The following TMEM184C variants were observed in gnomAD, a reference collection of about 807,000 sequenced individuals.
The protein encoded by TMEM184C is transmembrane protein 34.
A neutral mutation model predicts 54.5 loss-of-function variants in TMEM184C; 25 were observed. The ratio of observed to expected loss-of-function variants is 0.46; its 90% CI spans 0.33 to 0.64. The LOEUF (loss-of-function observed/expected upper bound fraction) is 0.64. TMEM184C is among the 30% of genes least tolerant of loss of function. TMEM184C has a pLI of 0.02. For synonymous variants in TMEM184C, 148 were observed against 181.5 expected (o/e 0.82, Z 1.49); for missense variants, 335 against 520.3 (o/e 0.64, Z 3.46).
At position 147,623,894 on chromosome 4, in the gene TMEM184C, A is replaced by G. The variant is rs182140746; in HGVS notation, c.184A>G (p.Ile62Val). The stretch of plus-strand genomic sequence containing the variant: ...AATCTTTTTGCTGTTGACTATTCCT[A>G]TATCACTGTGGGTGATATTGCAACA... ...AGIFLLLTIP[I>V]SLWVILQHLV... The change falls in exon 2 of 10, where the codon ATA becomes GTA. Residue 62 changes from isoleucine (I) to valine (V), a missense_variant. Transcript: ENST00000296582. The G allele has an allele frequency of 2.8e-5, 45 of 1,614,032 alleles. No homozygotes were observed. Among genetic ancestry groups the G allele is most frequent in the East Asian group, 2.7e-4 (12 of 44,854 alleles).
chr4:147,631,700 GAAGAA>G (rs1455874360), intron 7 of TMEM184C, among the ~76,000 whole-genome samples, 195 bp downstream of exon 7: 1 of 152,070 alleles, frequency 6.6e-6, no homozygotes, highest in Non-Finnish European at 1.5e-5. Context: ...ACATTTATAT[GAAGAA>G]AATAGTTTGA....
chr4:147,623,687 A>G, intron 1 of TMEM184C, 147 bp from the exon 2 acceptor site: 1 of 623,652 alleles, frequency 1.6e-6, no homozygotes, highest in Non-Finnish European at 2.7e-6. Flanking sequence ...TTGTAGGCCC[A>G]GGCTGGTTTC....
At chr4:147,632,833 C>A in intron 7 of TMEM184C, 70 bp from the exon 8 acceptor site, 1 of 1,408,004 alleles carries the variant, frequency 7.1e-7, no homozygotes. Flanking sequence ...TTTTTAATGG[C>A]ACATTTTTAA....
rs1733035760 is a variant in TMEM184C, at chr4:147,636,138, A to G, written c.*1704A>G. 1 of 152,186 alleles carries G rather than the reference A, an allele frequency of 6.6e-6. No homozygotes were observed. The highest frequency in any genetic ancestry group is 1.5e-5 in the Non-Finnish European group (1 of 68,008). The allele number at this position is 152,186 out of a possible 1,614,324, so 9.4% of individuals were successfully genotyped here. Reference sequence around the variant, plus strand: ...CAAACAGAAAAAAATCCTAAAATTCATATGTAACGATAAAAGACCCTGAAT... The same window carrying G: ...CAAACAGAAAAAAATCCTAAAATTCGTATGTAACGATAAAAGACCCTGAAT... On this transcript the variant is annotated 3_prime_UTR_variant, in exon 10 of 10. Transcript: ENST00000296582.
chr4:147,627,012 T>C (rs1049644879), intron 4 of TMEM184C, among the ~76,000 whole-genome samples: 1 of 152,182 alleles, frequency 6.6e-6, no homozygotes, highest in African/African-American at 2.4e-5. Flanking sequence ...ACAGAATTCT[T>C]GCTAAAGGCA....
At position 147,624,883 on chromosome 4, in the gene TMEM184C, A is replaced by G. The variant is rs369788135; in HGVS notation, c.371A>G (p.Asn124Ser). 5.0e-6 allele frequency: 8 copies of G among 1,613,944 alleles called. No individual in the cohort carries two copies. Among genetic ancestry groups the G allele is most frequent in the South Asian group, 1.1e-5 (1 of 91,082 alleles). ...RECYEAYVIY[N>S]FMGFLTNYLT... ...TGCTATGAAGCTTATGTAATTTACA[A>G]CTTTATGGGATTCCTTACCAATTAT... Residue 124 changes from asparagine (N) to serine (S), a missense_variant, in exon 4 of 10, where the codon AAC becomes AGC. By Grantham distance (46) the Asn-to-Ser change is conservative (BLOSUM62 1). Coordinates refer to ENST00000296582, the MANE Select transcript of TMEM184C (RefSeq NM_018241.3).
intron 4 of TMEM184C, among the ~76,000 whole-genome samples, chr4:147,627,451 T>C (rs1328934456): frequency 1.3e-5 from 2 of 151,894 alleles, no homozygotes; most frequent in African/African-American, 4.8e-5. Context: ...CGGCTAAATT[T>C]TGTTATTTTT....
chr4:147,625,373 A>T (rs138847984), intron 4 of TMEM184C, among the ~76,000 whole-genome samples: 1 of 152,380 alleles, frequency 6.6e-6, no homozygotes, highest in Admixed American at 6.5e-5. Flanking sequence ...GTAGAACCAC[A>T]TATGATATGA....
intron 7 of TMEM184C, 56 bp from the exon 8 acceptor site, chr4:147,632,844 AACT>A: frequency 6.6e-7 from 1 of 1,506,394 alleles, no homozygotes; most frequent in Non-Finnish European, 9.1e-7. Flanking sequence ...ACATTTTTAA[AACT>A]ACTGCTCATT....
intron 6 of TMEM184C, among the ~76,000 whole-genome samples, chr4:147,630,544 A>C (rs1732898898): frequency 6.6e-6 from 1 of 152,096 alleles, no homozygotes; most frequent in African/African-American, 2.4e-5. Flanking sequence ...AGTTGAATGC[A>C]CTGTGGTCTT....
At chr4:147,618,105 T>C in intron 1 of TMEM184C, 26 bp downstream of exon 1, 1 of 1,613,382 alleles carries the variant, frequency 6.2e-7, no homozygotes, top group Non-Finnish European at 8.5e-7. Flanking sequence ...ACCATCAGCC[T>C]GTACACTTTC....
intron 6 of TMEM184C, among the ~76,000 whole-genome samples, chr4:147,630,298 T>C (rs1413512327): frequency 1.3e-5 from 2 of 152,080 alleles, no homozygotes; most frequent in East Asian, 3.8e-4. Flanking sequence ...AGCAAAATAA[T>C]TTAGATGCAG....
rs767353637 is a variant in TMEM184C, at chr4:147,634,471, A to G, written c.*37A>G. 2.5e-6 allele frequency: 4 copies of G among 1,595,742 alleles called. No homozygotes were observed. The African/African-American group carries it at 5.4e-5, about 21-fold the overall frequency. On this transcript the variant is annotated 3_prime_UTR_variant, in exon 10 of 10. Transcript: ENST00000296582. The stretch of plus-strand genomic sequence containing the variant: ...AAGCAAACTGTGCAACTACTACATT[A>G]TATCATTACCTGGTATCCCATGGAT...
At position 147,634,235 on chromosome 4, in the gene TMEM184C, C is replaced by G. The variant is rs371759985; in HGVS notation, c.1118C>G (p.Thr373Arg). 5.0e-6 allele frequency: 8 copies of G among 1,613,972 alleles called. No individual in the cohort carries two copies. In the African/African-American group the frequency reaches 1.1e-4, roughly 22 times the overall value. ...GAGGATCAAGATCAAAATGAACATA[C>G]AAGTTTATTATCATCATCATCACAA... ...FPEDQDQNEH[T>R]SLLSSSSQDA... Residue 373 changes from threonine to arginine, a missense_variant, in exon 10 of 10, where the codon ACA (threonine) becomes AGA (arginine). Transcript: ENST00000296582.
rs1414455223 is a variant in TMEM184C, at chr4:147,624,968, T to C, written c.456T>C (p.His152=). ...LILEAKDQQK[H]FPPLCCCPPW... is the part of the protein sequence containing the mutation. ...TTGAAGCCAAAGATCAACAGAAACA[T>C]TTCCCTCCTTTATGTTGCTGTCCAC... is the stretch of plus-strand genomic sequence containing the variant. The change falls in exon 4 of 10, where the codon CAT becomes CAC. Residue 152 remains histidine (H), a synonymous_variant. Coordinates refer to ENST00000296582, the MANE Select transcript of TMEM184C (RefSeq NM_018241.3). 1 of 1,613,946 alleles carries C rather than the reference T, an allele frequency of 6.2e-7. No individual in the cohort carries two copies.
rs547159803 is a variant in TMEM184C, at chr4:147,627,725, CT to C, written c.498-635del. On this transcript the variant is annotated intron_variant, in intron 4 of 9. Coordinates refer to ENST00000296582, the MANE Select transcript of TMEM184C (RefSeq NM_018241.3). ...GAGTAGCCTGGGCAACATAGTGAGACTCCCATGTCTATAGAAAATAAATTAG... is the reference window on the plus strand; with the variant it reads ...GAGTAGCCTGGGCAACATAGTGAGACCCCATGTCTATAGAAAATAAATTAG... Among the ~76,000 whole-genome samples, 218 of 142,846 alleles carry C rather than the reference CT, an allele frequency of 1.5e-3. 4 individuals carry two copies. Among genetic ancestry groups the C allele is most frequent in the African/African-American group, 4.8e-3 (183 of 38,206 alleles). The allele number at this position is 142,846 out of a possible 152,430, so 93.7% of individuals were successfully genotyped here. A position where few individuals can be genotyped will look rare whatever the true frequency, so the allele number is the denominator to read the frequency against.
Position 147,635,118 on chromosome 4 carries a change from G to C in TMEM184C, c.*684G>C, listed in dbSNP as rs993824106. On this transcript the variant is annotated 3_prime_UTR_variant, in exon 10 of 10. Transcript: ENST00000296582. ...ATCAGAAAGCATAATGCAGAAATAC[G>C]AATTAGTGGAACTTAATCATGTGCC... 1.3e-5 allele frequency: 2 copies of C among 152,078 alleles called. No individual in the cohort carries two copies. Among genetic ancestry groups the C allele is most frequent in the African/African-American group, 4.8e-5 (2 of 41,410 alleles). 9.4% of individuals were successfully genotyped at this position (152,078 alleles called of 1,614,324 possible). A position where few individuals can be genotyped will look rare whatever the true frequency, so the allele number is the denominator to read the frequency against.
At chr4:147,630,186 C>T (rs1228295691) in intron 6 of TMEM184C, among the ~76,000 whole-genome samples, 1 of 151,996 alleles carries the variant, frequency 6.6e-6, no homozygotes, top group Non-Finnish European at 1.5e-5. Context: ...GGATGATGTT[C>T]TAGAAACTGT....
intron 1 of TMEM184C, 27 bp downstream of exon 1, chr4:147,618,106 G>T (rs774579138): frequency 6.2e-7 from 1 of 1,613,046 alleles, no homozygotes; most frequent in African/African-American, 1.3e-5. Context: ...CCATCAGCCT[G>T]TACACTTTCT....
Sources: allele counts gnomAD v4.1 joint callset (sites outside exome capture counted in the v4.1 genomes callset), GRCh38; gene constraint gnomAD v4.1.1; transcripts MANE v1.5; gene names NCBI Gene and HGNC (gene_info 2026-07-23, HGNC 2026-07-21).